Variants in C12orf42 observed in about 807,000 individuals in gnomAD.
C12orf42 encodes the protein uncharacterized protein C12orf42.
In C12orf42, 25 loss-of-function variants were observed where a neutral mutation model predicts 21.6. That is an observed-to-expected ratio of 1.16 (90% CI 0.84 to 1.62). C12orf42 has a LOEUF of 1.62. Ranked by LOEUF, C12orf42 falls within the 40% of genes most tolerant of loss-of-function variation. The probability of loss-of-function intolerance (pLI) is 0.00; values close to 1 mark genes in which losing one functional copy is unlikely to be tolerated. For missense variants in C12orf42, 483 were observed against 459.3 expected, an observed-to-expected ratio of 1.05 and a Z score of -0.47; for synonymous variants, 174 against 175.0, an observed-to-expected ratio of 0.99 and a Z score of 0.05.
chr12:103,476,850 A>G (rs1954090190), intron 2 of C12orf42: 1 of 152,232 alleles, frequency 6.6e-6, no homozygotes, highest in Admixed American at 6.5e-5. Context: ...TACTTAATAT[A>G]TCACATTGAG....
chr12:103,270,311 A>G (rs2035385101), intron 5 of C12orf42: 2 of 148,592 alleles, frequency 1.3e-5, no homozygotes, highest in South Asian at 2.2e-4. Flanking sequence ...GAGCATTTCT[A>G]CTAGATGGAA....
At chr12:103,484,938 C>T (rs1230199078) in intron 1 of C12orf42, among the ~76,000 whole-genome samples, 8 of 140,108 alleles carry the variant, frequency 5.7e-5, no homozygotes, top group Admixed American at 3.0e-4. Flanking sequence ...GGCACAATCT[C>T]GGCTCACTGC....
At chr12:103,124,115 T>C in the C12orf42 span, among the ~76,000 whole-genome samples, 1 of 151,552 alleles carries the variant, frequency 6.6e-6, no homozygotes, top group Non-Finnish European at 1.5e-5. Flanking sequence ...CTTTAATTTG[T>C]AGTTTAATTG....
the C12orf42 span, among the ~76,000 whole-genome samples, chr12:103,136,904 T>C: frequency 1.3e-5 from 2 of 152,110 alleles, no homozygotes; most frequent in African/African-American, 4.8e-5. Flanking sequence ...AAAGACTTAA[T>C]TGTAAGACCC....
At chr12:103,270,277 G>A (rs1361810321) in intron 5 of C12orf42, 1 of 149,620 alleles carries the variant, frequency 6.7e-6, no homozygotes. Flanking sequence ...ATCAGGAGGA[G>A]TTTACAGGCA....
chr12:103,326,633 T>A (rs2040740968), intron 4 of C12orf42, among the ~76,000 whole-genome samples: 1 of 152,160 alleles, frequency 6.6e-6, no homozygotes, highest in Non-Finnish European at 1.5e-5. Context: ...GGTTCCATGC[T>A]TTTGCTGTTC....
At chr12:103,167,879 CGT>C in the C12orf42 span, among the ~76,000 whole-genome samples, 3,070 of 133,818 alleles carry the variant, frequency 0.023, 40 homozygotes, top group Non-Finnish European at 0.029. Flanking sequence ...GAGGGGTGGG[CGT>C]GTGTGTGTGT....
the C12orf42 span, among the ~76,000 whole-genome samples, chr12:103,136,810 T>A: frequency 3.9e-5 from 6 of 152,150 alleles, no homozygotes; most frequent in Admixed American, 3.9e-4. Flanking sequence ...TTAGTTGTTG[T>A]GGGAAAATTG....
At chr12:103,392,476 C>T (rs1378511657) in intron 3 of C12orf42, among the ~76,000 whole-genome samples, 2 of 152,242 alleles carry the variant, frequency 1.3e-5, no homozygotes, top group Non-Finnish European at 2.9e-5. Context: ...AATGTCTTTC[C>T]ATTTATTTAG....
At chr12:103,544,810 G>A in the C12orf42 span, among the ~76,000 whole-genome samples, 46 of 150,902 alleles carry the variant, frequency 3.0e-4, no homozygotes, top group South Asian at 4.2e-4. Context: ...TTTTTTTCCC[G>A]CTTTATCTAG....
chr12:103,128,835 G>A, the C12orf42 span, among the ~76,000 whole-genome samples: 1 of 152,178 alleles, frequency 6.6e-6, no homozygotes, highest in Non-Finnish European at 1.5e-5. Flanking sequence ...AATATATCTT[G>A]AAACTATTTC....
At chr12:103,209,420 T>C in the C12orf42 span, among the ~76,000 whole-genome samples, 1 of 152,328 alleles carries the variant, frequency 6.6e-6, no homozygotes, top group South Asian at 2.1e-4. Flanking sequence ...ACACAATTAA[T>C]TAGAAAGCTG....
chr12:103,423,344 G>A (rs1258990333), intron 2 of C12orf42, among the ~76,000 whole-genome samples: 2 of 152,198 alleles, frequency 1.3e-5, no homozygotes, highest in Admixed American at 6.5e-5. Flanking sequence ...AATTGAAAAT[G>A]AACACGGATC....
the C12orf42 span, among the ~76,000 whole-genome samples, chr12:103,203,913 T>C: frequency 6.6e-6 from 1 of 152,150 alleles, no homozygotes; most frequent in Non-Finnish European, 1.5e-5. Context: ...GAGCAGAAAT[T>C]TATTTTTGAT....
intron 2 of C12orf42, among the ~76,000 whole-genome samples, chr12:103,464,590 T>G (rs1429609314): frequency 1.3e-5 from 2 of 152,212 alleles, no homozygotes; most frequent in Non-Finnish European, 2.9e-5. Flanking sequence ...TTTGTCAATT[T>G]TTGCTTTTGT....
intron 3 of C12orf42, among the ~76,000 whole-genome samples, chr12:103,399,161 T>C (rs112774391): frequency 5.3e-4 from 80 of 151,990 alleles, no homozygotes; most frequent in African/African-American, 1.9e-3. Flanking sequence ...TTTTAATAAT[T>C]TGGAGATAAT....
intron 2 of C12orf42, among the ~76,000 whole-genome samples, chr12:103,428,980 G>C (rs1265836160): frequency 6.6e-6 from 1 of 152,034 alleles, no homozygotes; most frequent in Non-Finnish European, 1.5e-5. Flanking sequence ...AAAATAATAA[G>C]AGCTATTTAT....
At chr12:103,264,872 C>T (rs185347808), downstream of C12orf42, among the ~76,000 whole-genome samples, 2 of 152,044 alleles carry the variant, frequency 1.3e-5, no homozygotes, top group Admixed American at 6.6e-5. Context: ...CTTTATTTAT[C>T]TAGCTGCCTA....
chr12:103,311,365 T>A (rs943120077), intron 4 of C12orf42, among the ~76,000 whole-genome samples: 1 of 151,836 alleles, frequency 6.6e-6, no homozygotes, highest in African/African-American at 2.4e-5. Flanking sequence ...CCCAGGCCAA[T>A]AGAAGTGATC....
Sources: gnomAD v4.1 joint callset for allele counts (sites outside exome capture counted in the v4.1 genomes callset) on GRCh38, gnomAD v4.1.1 for gene constraint, MANE v1.5 for transcripts, NCBI Gene and HGNC (gene_info 2026-07-23, HGNC 2026-07-21) for gene names.